Variants in MNAT1 observed in about 807,000 individuals in gnomAD.
MNAT1 encodes the protein CDK-activating kinase assembly factor MAT1.
In MNAT1, 43 loss-of-function variants were observed where a neutral mutation model predicts 42.0. The observed-to-expected ratio is 1.02, with a 90% CI of 0.80 to 1.32. MNAT1 has a LOEUF of 1.32. MNAT1 is among the 40% of genes most tolerant of loss of function. MNAT1 has a pLI of 0.00. For missense variants in MNAT1, 306 were observed against 350.4 expected, an observed-to-expected ratio of 0.87 and a Z score of 1.01; for synonymous variants, 118 against 120.0, an observed-to-expected ratio of 0.98 and a Z score of 0.11.
At chr14:60,947,728 G>A (rs901671424) in intron 7 of MNAT1, among the ~76,000 whole-genome samples, 3 of 152,136 alleles carry the variant, frequency 2.0e-5, no homozygotes, top group African/African-American at 7.2e-5. Context: ...TTATTTTTTA[G>A]TTAGTTTGAA....
chr14:60,781,011 C>A (rs907049631), intron 1 of MNAT1, among the ~76,000 whole-genome samples: 1 of 152,154 alleles, frequency 6.6e-6, no homozygotes, highest in Non-Finnish European at 1.5e-5. Flanking sequence ...TATTCAGAAT[C>A]TTTGTTAAAG....
intron 7 of MNAT1, among the ~76,000 whole-genome samples, chr14:60,917,631 TG>T (rs2035552793): frequency 6.7e-6 from 1 of 149,842 alleles, no homozygotes; most frequent in African/African-American, 2.5e-5. Flanking sequence ...GTTTCTTTTT[TG>T]TTTTTTTTTT....
intron 6 of MNAT1, among the ~76,000 whole-genome samples, chr14:60,827,577 CTTT>C (rs1371952581): frequency 6.6e-6 from 1 of 152,102 alleles, no homozygotes; most frequent in Non-Finnish European, 1.5e-5. Flanking sequence ...AGCTTAGGTG[CTTT>C]ACCATTTTGC....
rs368082195 is a variant in MNAT1 at position 60,869,283 on chromosome 14, C to T, written c.688-10431C>T. On this transcript the variant is annotated intron_variant, in intron 6 of 7. Coordinates refer to ENST00000261245, the MANE Select transcript of MNAT1 (RefSeq NM_002431.4). ...CTCAAACTGCTGAGCTCAAGCAATC[C>T]GCCTGCCTCGGCCTCCCAAAGTGCT... Among the ~76,000 whole-genome samples the T allele has an allele frequency of 4.6e-5, 7 of 151,530 alleles. No homozygotes were observed. The East Asian group carries it at 5.8e-4, about 13-fold the overall frequency.
intron 6 of MNAT1, among the ~76,000 whole-genome samples, chr14:60,861,498 C>T (rs1259391286): frequency 6.6e-6 from 1 of 151,710 alleles, no homozygotes; most frequent in Non-Finnish European, 1.5e-5. Context: ...CTCCCAATGC[C>T]TAAAATCATG....
chr14:60,903,458 C>T (rs1164075037), intron 7 of MNAT1, among the ~76,000 whole-genome samples: 8 of 152,198 alleles, frequency 5.3e-5, no homozygotes, highest in African/African-American at 1.9e-4. Flanking sequence ...ATCTATAATA[C>T]TTTAAAAATC....
intron 3 of MNAT1, chr14:60,799,458 G>A: frequency 5.4e-6 from 5 of 932,768 alleles, no homozygotes; most frequent in Non-Finnish European, 6.4e-6. Context: ...CAATTGGGAA[G>A]AAAAGTAGCT....
chr14:60,904,609 G>A (rs1365854093), intron 7 of MNAT1, among the ~76,000 whole-genome samples: 1 of 152,150 alleles, frequency 6.6e-6, no homozygotes, highest in Non-Finnish European at 1.5e-5. Context: ...GAATGCTCAT[G>A]AGATTACAAG....
chr14:60,870,219 A>G (rs1478472110), intron 6 of MNAT1, among the ~76,000 whole-genome samples: 2 of 152,134 alleles, frequency 1.3e-5, no homozygotes, highest in Non-Finnish European at 2.9e-5. Context: ...TGATGGAAAT[A>G]TAGGGCTCTA....
chr14:60,877,223 A>G (rs558599280), intron 6 of MNAT1, among the ~76,000 whole-genome samples: 3 of 152,110 alleles, frequency 2.0e-5, no homozygotes, highest in East Asian at 1.9e-4. Flanking sequence ...TCATATACCT[A>G]TTGGCAATAT....
At chr14:60,736,585 A>G (rs1002717535) in intron 1 of MNAT1, among the ~76,000 whole-genome samples, 9 of 152,216 alleles carry the variant, frequency 5.9e-5, no homozygotes, top group Non-Finnish European at 1.2e-4. Flanking sequence ...GCTACATTTT[A>G]CAGTCCTTTT....
At chr14:60,918,756 A>ATATATT (rs1300123652) in intron 7 of MNAT1, among the ~76,000 whole-genome samples, 3 of 147,962 alleles carry the variant, frequency 2.0e-5, no homozygotes, top group East Asian at 4.0e-4. Context: ...ATATATATAT[A>ATATATT]TTTTTGTCCT....
chr14:60,798,240 TA>T (rs1566770093), intron 3 of MNAT1, 80 bp downstream of exon 3: 2 of 717,896 alleles, frequency 2.8e-6, no homozygotes, highest in East Asian at 2.6e-5. Context: ...ACATCTCACA[TA>T]AAAACCTCTT....
chr14:60,769,697 C>T (rs2030979443), intron 1 of MNAT1, among the ~76,000 whole-genome samples: 1 of 152,094 alleles, frequency 6.6e-6, no homozygotes, highest in Non-Finnish European at 1.5e-5. Context: ...ACTCCGTTGC[C>T]CGACTGGAGT....
At chr14:60,844,278 T>A (rs2033626195) in intron 6 of MNAT1, among the ~76,000 whole-genome samples, 1 of 152,174 alleles carries the variant, frequency 6.6e-6, no homozygotes, top group Non-Finnish European at 1.5e-5. Flanking sequence ...GGTAAAAGTA[T>A]AATTGATATT....
At chr14:60,846,330 C>A (rs1296019946) in intron 6 of MNAT1, among the ~76,000 whole-genome samples, 2 of 151,992 alleles carry the variant, frequency 1.3e-5, no homozygotes, top group African/African-American at 2.4e-5. Flanking sequence ...GGCACATCAA[C>A]CTAGCGGTGT....
chr14:60,807,287 T>C (rs2032402105), intron 3 of MNAT1, among the ~76,000 whole-genome samples: 1 of 152,182 alleles, frequency 6.6e-6, no homozygotes, highest in Non-Finnish European at 1.5e-5. Flanking sequence ...GGTCCTCCGG[T>C]GTTACTTTTC....
At chr14:60,931,240 A>G (rs990147713) in intron 7 of MNAT1, among the ~76,000 whole-genome samples, 5 of 152,276 alleles carry the variant, frequency 3.3e-5, no homozygotes, top group Admixed American at 1.3e-4. Context: ...GATGACTTTC[A>G]TAGGGTTCAG....
At chr14:60,950,287 T>C (rs1032912523) in intron 7 of MNAT1, among the ~76,000 whole-genome samples, 2 of 152,214 alleles carry the variant, frequency 1.3e-5, no homozygotes, top group African/African-American at 4.8e-5. Flanking sequence ...AGTATAAAAT[T>C]GGTTAACACA....
Sources: allele counts gnomAD v4.1 joint callset (sites outside exome capture counted in the v4.1 genomes callset), GRCh38; gene constraint gnomAD v4.1.1; transcripts MANE v1.5; gene names NCBI Gene and HGNC (gene_info 2026-07-23, HGNC 2026-07-21).